The following PUM1 variants were observed in gnomAD, a reference collection of about 807,000 sequenced individuals.
The protein encoded by PUM1 is pumilio RNA binding family member 1, also known as pumilio homolog 1.
Under a neutral mutation model 131.8 loss-of-function variants are expected in PUM1, and 13 were observed. That is an observed-to-expected ratio of 0.10 (90% CI 0.06 to 0.16). The LOEUF is 0.16. PUM1 is among the 10% of genes least tolerant of loss of function. PUM1 has a pLI of 1.00. For synonymous variants in PUM1, 509 were observed against 556.5 expected, an observed-to-expected ratio of 0.91 and a Z score of 1.20; for missense variants, 961 against 1,512.4, an observed-to-expected ratio of 0.64 and a Z score of 6.05.
At chr1:31,025,828 T>C (rs1384459812) in intron 3 of PUM1, among the ~76,000 whole-genome samples, 1 of 151,974 alleles carries the variant, frequency 6.6e-6, no homozygotes, top group South Asian at 2.1e-4. Flanking sequence ...AGTGCTGGCA[T>C]TCCAGGCGTG....
chr1:31,061,636 TAAAAA>T (rs202246014), intron 1 of PUM1: 1 of 145,770 alleles, frequency 6.9e-6, no homozygotes, highest in Non-Finnish European at 1.5e-5. Flanking sequence ...TTTTAAATTA[TAAAAA>T]AAAAAGAAAG....
intron 2 of PUM1, among the ~76,000 whole-genome samples, chr1:31,058,164 A>G (rs1223135713): frequency 6.6e-6 from 1 of 152,172 alleles, no homozygotes; most frequent in Non-Finnish European, 1.5e-5. Context: ...GACACAATAT[A>G]TCAGTCCCAT....
At position 30,966,154 on chromosome 1, in the gene PUM1, GTTA is replaced by G. The variant is rs1640611408; in HGVS notation, c.1911_1913del (p.Asn639del). On this transcript the variant is annotated inframe_deletion, in exon 13 of 22. Transcript: ENST00000426105. ...CGTAGAAAGAACTGGATGCCAGGTT[GTTA>G]TTGGGCTGCTGCTGGGGCTGGGGCT... is the stretch of plus-strand genomic sequence containing the variant. 6.2e-7 allele frequency: 1 copy of G among 1,614,068 alleles called. No individual in the cohort carries two copies. The highest frequency in any genetic ancestry group is 2.2e-5 in the East Asian group (1 of 44,896).
chr1:31,038,975 TATATATATA>T (rs1220434730), intron 2 of PUM1, among the ~76,000 whole-genome samples: 2 of 36,884 alleles, frequency 5.4e-5, no homozygotes, highest in African/African-American at 1.4e-4. Context: ...TATATATATA[TATATATATA>T]TTTTTTTTTT....
At chr1:31,059,961 C>T (rs1644331010) in intron 1 of PUM1, among the ~76,000 whole-genome samples, 3 of 151,858 alleles carry the variant, frequency 2.0e-5, no homozygotes, top group South Asian at 4.2e-4. Context: ...ACTCTCCTGC[C>T]TCAGCCTCCT....
At chr1:31,060,996 T>C (rs1644355285) in intron 1 of PUM1, among the ~76,000 whole-genome samples, 1 of 152,166 alleles carries the variant, frequency 6.6e-6, no homozygotes, top group Non-Finnish European at 1.5e-5. Context: ...AGCAGCAGAA[T>C]GCTTTTAGCC....
At chr1:31,049,617 T>C (rs1374745382) in intron 2 of PUM1, among the ~76,000 whole-genome samples, 1 of 151,754 alleles carries the variant, frequency 6.6e-6, no homozygotes, top group Non-Finnish European at 1.5e-5. Flanking sequence ...GAGGAAGAGG[T>C]TGCAGTGATC....
chr1:30,973,691 G>A (rs953423169), intron 10 of PUM1, among the ~76,000 whole-genome samples: 2 of 151,906 alleles, frequency 1.3e-5, no homozygotes, highest in African/African-American at 4.8e-5. Flanking sequence ...AAATAATAAG[G>A]CTAAAATAAC....
At chr1:31,033,485 C>G (rs1406499718) in intron 2 of PUM1, among the ~76,000 whole-genome samples, 1 of 150,170 alleles carries the variant, frequency 6.7e-6, no homozygotes, top group Non-Finnish European at 1.5e-5. Flanking sequence ...CTCTGCTTCC[C>G]GGGTTCACGC....
In PUM1 at chr1:30,964,599, T is replaced by C. The variant is rs181067959; in HGVS notation, c.2323+75A>G. The stretch of plus-strand genomic sequence containing the variant: ...GTATAAAGGGACTGTCCTTTGCTTA[T>C]GCAAAGTTCTTGTAATGTCATCGGT... On this transcript the variant is annotated intron_variant, in intron 14 of 21. Coordinates refer to ENST00000426105, the MANE Select transcript of PUM1 (RefSeq NM_001020658.2). The C allele has an allele frequency of 4.9e-4, 646 of 1,317,234 alleles. 1 individual carries two copies. The African/African-American group carries it at 8.0e-3, about 16-fold the overall frequency. 81.6% of individuals were successfully genotyped at this position (1,317,234 alleles called of 1,614,324 possible). A position where few individuals can be genotyped will look rare whatever the true frequency, so the allele number is the denominator to read the frequency against.
intron 12 of PUM1, 95 bp from the exon 13 acceptor site, chr1:30,966,373 G>A (rs921257265): frequency 8.1e-7 from 1 of 1,241,600 alleles, no homozygotes; most frequent in South Asian, 1.5e-5. Context: ...TTTTAATGCT[G>A]CCTATCTTTT....
intron 7 of PUM1, among the ~76,000 whole-genome samples, chr1:30,987,912 A>G (rs978881755): frequency 6.6e-6 from 1 of 152,242 alleles, no homozygotes; most frequent in African/African-American, 2.4e-5. Flanking sequence ...ATGTTACTTT[A>G]CAGTTGTTAC....
intron 5 of PUM1, among the ~76,000 whole-genome samples, chr1:30,995,976 T>C (rs1641966556): frequency 1.3e-5 from 2 of 152,224 alleles, no homozygotes; most frequent in African/African-American, 2.4e-5. Context: ...AGTGGGAGTA[T>C]GTTAAATTGA....
chr1:31,020,527 A>G (rs562688169), intron 3 of PUM1, among the ~76,000 whole-genome samples: 1 of 152,210 alleles, frequency 6.6e-6, no homozygotes, highest in East Asian at 1.9e-4. Flanking sequence ...AGGATACTGT[A>G]AAGTTCACAA....
chr1:30,937,507 A>G (rs1167487767), intron 20 of PUM1, among the ~76,000 whole-genome samples: 1 of 151,708 alleles, frequency 6.6e-6, no homozygotes, highest in Non-Finnish European at 1.5e-5. Flanking sequence ...TCCATCTCGA[A>G]CTCCTGACCT....
intron 10 of PUM1, among the ~76,000 whole-genome samples, chr1:30,970,751 A>G (rs1337128534): frequency 1.3e-5 from 2 of 152,214 alleles, no homozygotes; most frequent in Admixed American, 1.3e-4. Flanking sequence ...ATCTCACTCT[A>G]GGATAAGTAA....
chr1:30,944,429 C>G (rs910646748), intron 18 of PUM1, among the ~76,000 whole-genome samples: 2 of 151,930 alleles, frequency 1.3e-5, no homozygotes, highest in African/African-American at 4.8e-5. Flanking sequence ...CAAAAAAACA[C>G]AAAACTATAG....
intron 3 of PUM1, among the ~76,000 whole-genome samples, chr1:31,017,621 G>C (rs746037101): frequency 4.0e-5 from 6 of 151,808 alleles, no homozygotes; most frequent in Non-Finnish European, 7.4e-5. Flanking sequence ...GAAGCCAAAA[G>C]ACTGGACAAC....
At chr1:30,941,915 A>G (rs1639451359) in intron 19 of PUM1, 83 bp downstream of exon 19, 1 of 1,334,654 alleles carries the variant, frequency 7.5e-7, no homozygotes, top group Non-Finnish European at 1.0e-6. Context: ...CCTCTTCTGG[A>G]ACCTACACTG....
Sources: allele counts gnomAD v4.1 joint callset (sites outside exome capture counted in the v4.1 genomes callset), GRCh38; gene constraint gnomAD v4.1.1; transcripts MANE v1.5; gene names NCBI Gene and HGNC (gene_info 2026-07-23, HGNC 2026-07-21).